The following FANCA variants were observed in gnomAD, a reference collection of about 807,000 sequenced individuals.
The protein encoded by FANCA is Fanconi anemia group A protein.
A neutral mutation model predicts 194.3 loss-of-function variants in FANCA; 236 were observed. The observed-to-expected ratio is 1.21, with a 90% CI of 1.09 to 1.35. The LOEUF (loss-of-function observed/expected upper bound fraction) is 1.35, where lower values mean the gene tolerates loss of function less well. Among genes scored for constraint, FANCA ranks in the 40% most tolerant of loss-of-function variants. The pLI is 0.00. For synonymous variants in FANCA, 1,014 were observed against 715.8 expected, an observed-to-expected ratio of 1.42 and a Z score of -6.65; for missense variants, 2,628 against 1,813.9, an observed-to-expected ratio of 1.45 and a Z score of -8.15.
At chr16:89,772,951 C>T (rs1023227684) in intron 22 of FANCA, among the ~76,000 whole-genome samples, 2 of 152,128 alleles carry the variant, frequency 1.3e-5, no homozygotes, top group Non-Finnish European at 1.5e-5. Flanking sequence ...GATGTGACAT[C>T]GACTCCGGCA....
chr16:89,770,710 G>T, intron 23 of FANCA, 76 bp from the exon 24 acceptor site: 3 of 1,276,858 alleles, frequency 2.3e-6, no homozygotes, highest in Non-Finnish European at 3.4e-6. Context: ...CAGCGCTCCC[G>T]CCACAGACAT....
At chr16:89,803,384 C>A in intron 7 of FANCA, 43 bp from the exon 8 acceptor site, 2 of 1,549,814 alleles carry the variant, frequency 1.3e-6, no homozygotes, top group South Asian at 2.2e-5. Context: ...ACATCATGGT[C>A]TCCAAGCAAC....
At position 89,772,887 on chromosome 16, in the gene FANCA, T is replaced by C. The variant is rs544186321; in HGVS notation, c.2014+384A>G. 3.3e-5 allele frequency among the ~76,000 whole-genome samples: 5 copies of C among 152,188 alleles called. No individual in the cohort carries two copies. The East Asian group carries it at 9.6e-4, about 29-fold the overall frequency. ...GATGAACATTTCTTACTCTGGATTT[T>C]ACAGAAAACCATCACATGGAAGCAG... On this transcript the variant is annotated intron_variant, in intron 22 of 42. Transcript: ENST00000389301.
chr16:89,769,772 C>G (rs1252518136), intron 26 of FANCA, 65 bp downstream of exon 26: 2 of 1,566,482 alleles, frequency 1.3e-6, no homozygotes, highest in Non-Finnish European at 1.7e-6. Context: ...CTAATTTTAT[C>G]AAACGAGCAT....
At chr16:89,805,466 T>A (rs2040606727) in intron 6 of FANCA, 74 bp from the exon 7 acceptor site, 2 of 1,242,736 alleles carry the variant, frequency 1.6e-6, no homozygotes, top group Admixed American at 3.8e-5. Flanking sequence ...GAGCCATATG[T>A]CCCAATTTTT....
At chr16:89,775,980 T>C (rs1365531859) in intron 20 of FANCA, among the ~76,000 whole-genome samples, 165 bp from the exon 21 acceptor site, 1 of 151,630 alleles carries the variant, frequency 6.6e-6, no homozygotes, top group African/African-American at 2.4e-5. Flanking sequence ...AAAAAATATA[T>C]ATAGATTTAA....
Position 89,779,903 on chromosome 16 carries a change from T to C in FANCA, c.1681A>G (p.Thr561Ala). The part of the protein sequence containing the change: ...VEKAIMVFEH[T>A]GNIPVTVMEA... ...ATGACGGTGACTGGGATGTTCCCCGTATGCTCAAACACCATGATGGCCTTT... is the reference window on the plus strand; with the variant it reads ...ATGACGGTGACTGGGATGTTCCCCGCATGCTCAAACACCATGATGGCCTTT... Residue 561 changes from threonine to alanine, a missense_variant, in exon 18 of 43, where the codon ACG (threonine) becomes GCG (alanine). Physicochemically the swap from Thr to Ala is moderately conservative, Grantham distance 58. Coordinates refer to ENST00000389301, the MANE Select transcript of FANCA (RefSeq NM_000135.4). 1 of 1,614,100 alleles carries C rather than the reference T, an allele frequency of 6.2e-7. No individual in the cohort carries two copies. The highest frequency in any genetic ancestry group is 1.7e-4 in the Middle Eastern group (1 of 5,940).
chr16:89,745,978 C>A (rs947792920), intron 35 of FANCA, among the ~76,000 whole-genome samples: 2 of 152,184 alleles, frequency 1.3e-5, no homozygotes, highest in Non-Finnish European at 2.9e-5. Context: ...GGGGAACATG[C>A]CGTGCTGCGG....
intron 10 of FANCA, among the ~76,000 whole-genome samples, chr16:89,798,105 G>A (rs1309998472): frequency 6.6e-6 from 1 of 152,128 alleles, no homozygotes; most frequent in Non-Finnish European, 1.5e-5. Context: ...TGATAAGGCT[G>A]AGGTGATGAT....
chr16:89,764,644 G>A (rs958072530), intron 28 of FANCA, among the ~76,000 whole-genome samples: 1 of 152,146 alleles, frequency 6.6e-6, no homozygotes, highest in Non-Finnish European at 1.5e-5. Flanking sequence ...AGGCCACAAC[G>A]ATTTTAGTCA....
At chr16:89,791,815 G>C (rs2040085192) in intron 13 of FANCA, 112 bp downstream of exon 13, 11 of 1,379,648 alleles carry the variant, frequency 8.0e-6, no homozygotes. Flanking sequence ...CAGGTTCCGG[G>C]CAGGTAGGGA....
chr16:89,794,512 G>T (rs1160534979), intron 11 of FANCA, among the ~76,000 whole-genome samples: 1 of 152,086 alleles, frequency 6.6e-6, no homozygotes, highest in Non-Finnish European at 1.5e-5. Flanking sequence ...CTCCAGCCTG[G>T]GCAACAGAGT....
intron 30 of FANCA, among the ~76,000 whole-genome samples, chr16:89,757,737 C>G (rs971229327): frequency 2.1e-4 from 32 of 152,194 alleles, no homozygotes; most frequent in Admixed American, 5.2e-4. Flanking sequence ...CATGCAACAC[C>G]TCAGGAACTG....
chr16:89,740,300 C>G, intron 38 of FANCA: 1 of 600,670 alleles, frequency 1.7e-6, no homozygotes, highest in Non-Finnish European at 3.0e-6. Flanking sequence ...ACTTCGAGCA[C>G]CCACACCAAG....
chr16:89,756,766 CTGAAGAGA>C (rs2038780990), intron 30 of FANCA, among the ~76,000 whole-genome samples: 2 of 143,140 alleles, frequency 1.4e-5, no homozygotes, highest in African/African-American at 6.1e-5. Flanking sequence ...AGCTGGAAGG[CTGAAGAGA>C]GGCTGAATAA....
chr16:89,811,882 CACT>C (rs1359198371), intron 3 of FANCA, among the ~76,000 whole-genome samples: 5 of 152,010 alleles, frequency 3.3e-5, no homozygotes, highest in Non-Finnish European at 7.4e-5. Flanking sequence ...AGGCACGCGT[CACT>C]ACGCCCAGTT....
intron 5 of FANCA, among the ~76,000 whole-genome samples, chr16:89,809,948 C>T (rs551644163): frequency 1.8e-4 from 28 of 152,162 alleles, no homozygotes; most frequent in African/African-American, 6.5e-4. Flanking sequence ...ATCGCTTGAA[C>T]CTGGGAGGCA....
chr16:89,801,346 A>AC (rs1012719673), intron 8 of FANCA, among the ~76,000 whole-genome samples: 4 of 149,584 alleles, frequency 2.7e-5, no homozygotes, highest in Admixed American at 2.0e-4. Flanking sequence ...TCTGTCTCAA[A>AC]AAAAAAAAAA....
intron 13 of FANCA, 65 bp downstream of exon 13, chr16:89,791,862 G>A: frequency 4.4e-6 from 7 of 1,603,130 alleles, no homozygotes; most frequent in Non-Finnish European, 3.4e-6. Context: ...AGTCAGCTGG[G>A]ACTCTGCTGA....
Sources: allele counts gnomAD v4.1 joint callset (sites outside exome capture counted in the v4.1 genomes callset), GRCh38; gene constraint gnomAD v4.1.1; transcripts MANE v1.5; gene names NCBI Gene and HGNC (gene_info 2026-07-23, HGNC 2026-07-21).